CFAP299: variants seen among roughly 807,000 people sequenced by gnomAD.
CFAP299 encodes cilia and flagella associated protein 299, also known as cilia- and flagella-associated protein 299.
Under a neutral mutation model 27.0 loss-of-function variants are expected in CFAP299, and 21 were observed. That is an observed-to-expected ratio of 0.78 (90% CI 0.55 to 1.12). The LOEUF (loss-of-function observed/expected upper bound fraction) is 1.12. CFAP299 is among the 50% of genes most tolerant of loss of function. CFAP299 has a pLI of 0.00. For missense variants in CFAP299, 310 were observed against 276.6 expected, an observed-to-expected ratio of 1.12 and a Z score of -0.86; for synonymous variants, 104 against 98.1, an observed-to-expected ratio of 1.06 and a Z score of -0.36.
chr4:80,475,202 T>A (rs1730214404), intron 2 of CFAP299, among the ~76,000 whole-genome samples: 1 of 152,144 alleles, frequency 6.6e-6, no homozygotes, highest in Non-Finnish European at 1.5e-5. Flanking sequence ...ATGTAAAGAT[T>A]TAGCTTAGAA....
intron 3 of CFAP299, among the ~76,000 whole-genome samples, chr4:80,727,460 A>G (rs1328133139): frequency 6.6e-6 from 1 of 152,090 alleles, no homozygotes; most frequent in Non-Finnish European, 1.5e-5. Flanking sequence ...TAAGGCAGCA[A>G]ATGTATGAAA....
At position 80,386,069 on chromosome 4, in the gene CFAP299, A is replaced by G. The variant is rs1724960214; in HGVS notation, c.242+23185A>G. The stretch of plus-strand genomic sequence containing the variant: ...ATGACATTCAGAAGGATTTCTGCCA[A>G]TGGCTCGATGGCTCGCTTCCACTGG... On this transcript the variant is annotated intron_variant, in intron 2 of 5. Coordinates refer to ENST00000358105, the MANE Select transcript of CFAP299 (RefSeq NM_152770.3). 9.1e-6 allele frequency: 4 copies of G among 438,830 alleles called. No homozygotes were observed. The East Asian group carries it at 9.8e-5, about 11-fold the overall frequency. 27.2% of individuals were successfully genotyped at this position (438,830 alleles called of 1,614,324 possible). A position where few individuals can be genotyped will look rare whatever the true frequency, so the allele number is the denominator to read the frequency against.
chr4:80,710,743 T>C (rs576389602), intron 3 of CFAP299, among the ~76,000 whole-genome samples: 2 of 152,102 alleles, frequency 1.3e-5, no homozygotes, highest in Non-Finnish European at 2.9e-5. Context: ...GAAACTTCTC[T>C]ACCTCTCATT....
chr4:80,545,592 G>A (rs1396110188), intron 2 of CFAP299, among the ~76,000 whole-genome samples: 2 of 152,104 alleles, frequency 1.3e-5, no homozygotes, highest in Non-Finnish European at 2.9e-5. Context: ...TTCTGAAATT[G>A]AATCAGTAAT....
chr4:80,800,614 TATATA>T (rs1324138117), intron 3 of CFAP299, among the ~76,000 whole-genome samples: 4 of 101,086 alleles, frequency 4.0e-5, no homozygotes, highest in Non-Finnish European at 5.3e-5. Context: ...AAATATATAA[TATATA>T]ATATATTAAT....
chr4:80,501,835 T>TA (rs1731764398), intron 2 of CFAP299, among the ~76,000 whole-genome samples: 1 of 151,856 alleles, frequency 6.6e-6, no homozygotes, highest in African/African-American at 2.4e-5. Context: ...AAAGTCTCTT[T>TA]TCTTTTATTC....
chr4:80,594,975 C>T (rs905140790), intron 3 of CFAP299, among the ~76,000 whole-genome samples: 2 of 152,214 alleles, frequency 1.3e-5, no homozygotes, highest in East Asian at 3.9e-4. Context: ...ATATGGCAGG[C>T]CTTGCTTTTT....
chr4:80,788,750 A>G (rs1290519808), intron 3 of CFAP299, among the ~76,000 whole-genome samples: 1 of 152,022 alleles, frequency 6.6e-6, no homozygotes, highest in African/African-American at 2.4e-5. Flanking sequence ...GGGGAAGGGA[A>G]GTGAGAGGAA....
At chr4:80,399,646 A>G (rs1249814366) in intron 2 of CFAP299, among the ~76,000 whole-genome samples, 1 of 141,382 alleles carries the variant, frequency 7.1e-6, no homozygotes, top group Non-Finnish European at 1.5e-5. Flanking sequence ...AACAACGAGA[A>G]CACTCGGACA....
At chr4:80,799,784 TTA>T (rs1433033813) in intron 3 of CFAP299, among the ~76,000 whole-genome samples, 1 of 32,330 alleles carries the variant, frequency 3.1e-5, no homozygotes, top group Middle Eastern at 0.05. Context: ...GATATATATA[TTA>T]TATATTATAT....
chr4:80,920,995 A>G (rs1307470957), intron 4 of CFAP299, among the ~76,000 whole-genome samples: 1 of 152,006 alleles, frequency 6.6e-6, no homozygotes, highest in Non-Finnish European at 1.5e-5. Flanking sequence ...TCATTTTCTT[A>G]TTTGCTAAAT....
At chr4:80,656,636 T>C (rs989753926) in intron 3 of CFAP299, among the ~76,000 whole-genome samples, 1 of 152,178 alleles carries the variant, frequency 6.6e-6, no homozygotes, top group African/African-American at 2.4e-5. Context: ...TGATGGACAT[T>C]TGGGATGGTT....
intron 4 of CFAP299, among the ~76,000 whole-genome samples, chr4:80,890,185 A>G (rs1734191282): frequency 1.3e-5 from 2 of 152,144 alleles, no homozygotes; most frequent in Non-Finnish European, 2.9e-5. Context: ...GAAGAAGTCA[A>G]ATTATCTTTG....
chr4:80,563,170 A>C (rs911612643), intron 2 of CFAP299, among the ~76,000 whole-genome samples: 1 of 152,064 alleles, frequency 6.6e-6, no homozygotes, highest in African/African-American at 2.4e-5. Context: ...AAAAAATCAG[A>C]CTTAATCTGC....
At chr4:80,866,059 T>TTATATATA (rs70956073) in intron 3 of CFAP299, among the ~76,000 whole-genome samples, 2,506 of 58,070 alleles carry the variant, frequency 0.043, 285 homozygotes, top group Non-Finnish European at 0.072. Context: ...ACTTAAAGTA[T>TTATATATA]TATATATATA....
intron 2 of CFAP299, among the ~76,000 whole-genome samples, chr4:80,464,757 T>A (rs1393925018): frequency 6.6e-6 from 1 of 152,130 alleles, no homozygotes; most frequent in Non-Finnish European, 1.5e-5. Context: ...TATAGCTTCT[T>A]GTACCTTGTC....
intron 3 of CFAP299, among the ~76,000 whole-genome samples, chr4:80,603,573 C>A (rs1737483033): frequency 6.6e-6 from 1 of 152,120 alleles, no homozygotes; most frequent in Non-Finnish European, 1.5e-5. Context: ...ATATGTATAT[C>A]CTTTAGCCAC....
chr4:80,878,288 G>A lies in CFAP299; in HGVS notation c.476+8153G>A, dbSNP rs73829173. Among the ~76,000 whole-genome samples the A allele has an allele frequency of 3.3e-3, 499 of 152,148 alleles. 1 individual carries two copies. Among genetic ancestry groups the A allele is most frequent in the African/African-American group, 0.011 (468 of 41,536 alleles). ...TGTCTTTTAGATTGTTCCACATTCT[G>A]AACTTGTCTGATTGTTTCCTTGTGG... On this transcript the variant is annotated intron_variant, in intron 4 of 5. Transcript: ENST00000358105.
At chr4:80,429,778 G>A (rs535239968) in intron 2 of CFAP299, among the ~76,000 whole-genome samples, 5 of 151,994 alleles carry the variant, frequency 3.3e-5, no homozygotes, top group Non-Finnish European at 7.4e-5. Flanking sequence ...TCTTTTAATA[G>A]AGTGAAATGT....
Sources: allele counts gnomAD v4.1 joint callset (sites outside exome capture counted in the v4.1 genomes callset), GRCh38; gene constraint gnomAD v4.1.1; transcripts MANE v1.5; gene names NCBI Gene and HGNC (gene_info 2026-07-23, HGNC 2026-07-21).